Variants in CPOX observed in about 807,000 individuals in gnomAD.
The protein encoded by CPOX is oxygen-dependent coproporphyrinogen-III oxidase, mitochondrial.
CPOX carries 24 observed loss-of-function variants against 48.9 expected under a neutral mutation model. The ratio of observed to expected loss-of-function variants is 0.49; its 90% CI spans 0.36 to 0.69. CPOX has a LOEUF of 0.69. Among genes scored for constraint, CPOX ranks in the 30% least tolerant of loss-of-function variants. The pLI, the probability that CPOX is intolerant of heterozygous loss-of-function variation, is 0.00. For synonymous variants in CPOX, 249 were observed against 234.6 expected (o/e 1.06, Z -0.56); for missense variants, 549 against 597.3 (o/e 0.92, Z 0.84).
chr3:98,578,324 A>C, downstream of CPOX: 1 of 564,694 alleles, frequency 1.8e-6, no homozygotes, highest in Non-Finnish European at 2.2e-6. Context: ...CACAGCTTTA[A>C]ACACAACTAA....
downstream of CPOX, among the ~76,000 whole-genome samples, chr3:98,579,070 T>G (rs1316959188): frequency 3.9e-5 from 6 of 152,318 alleles, no homozygotes; most frequent in East Asian, 5.8e-4. Flanking sequence ...CTACTCCCAC[T>G]AAGCCTACCC....
Position 98,580,504 on chromosome 3 carries a change from A to G in CPOX, c.*179T>C, listed in dbSNP as rs984545296. 1.0e-5 allele frequency: 15 copies of G among 1,448,008 alleles called. No homozygotes were observed. Among genetic ancestry groups the G allele is most frequent in the Non-Finnish European group, 1.3e-5 (14 of 1,102,662 alleles). The allele number at this position is 1,448,008 out of a possible 1,614,324, so 89.7% of individuals were successfully genotyped here. ...AATCAATTGACTCTGACAATCTGCC[A>G]TCTCACCATTCATCACTGACAGCAT... is the stretch of plus-strand genomic sequence containing the variant. On this transcript the variant is annotated 3_prime_UTR_variant, in exon 7 of 7. Coordinates refer to ENST00000647941, the MANE Select transcript of CPOX (RefSeq NM_000097.7).
downstream of CPOX, chr3:98,579,367 T>A (rs116113441): frequency 4.2e-3 from 1,891 of 446,340 alleles, 32 homozygotes; most frequent in African/African-American, 0.039. Flanking sequence ...CTAGCCCTAA[T>A]GTTGTTCAAG....
intron 3 of CPOX, among the ~76,000 whole-genome samples, chr3:98,589,291 C>T (rs1338816805): frequency 6.6e-6 from 1 of 151,924 alleles, no homozygotes; most frequent in Non-Finnish European, 1.5e-5. Flanking sequence ...TGCACTCCAG[C>T]CTGGGCAACA....
At chr3:98,578,758 T>A (rs1470411219), downstream of CPOX, among the ~76,000 whole-genome samples, 1 of 152,242 alleles carries the variant, frequency 6.6e-6, no homozygotes, top group African/African-American at 2.4e-5. Context: ...GTTACTGTCA[T>A]TAGCAATAGT....
At chr3:98,585,917 C>T (rs1349754494) in intron 4 of CPOX, 2 of 394,096 alleles carry the variant, frequency 5.1e-6, no homozygotes, top group Admixed American at 3.6e-5. Context: ...CTGTCCCCCA[C>T]GCTGGAGTGC....
In CPOX at chr3:98,581,487, A is replaced by G. The variant is rs1707258347; in HGVS notation, c.1197T>C (p.Tyr399=). 1.2e-6 allele frequency: 2 copies of G among 1,613,956 alleles called. No individual in the cohort carries two copies. The highest frequency in any genetic ancestry group is 1.7e-6 in the Non-Finnish European group (2 of 1,179,828). Reference sequence around the variant, plus strand: ...AGAGGCCAAACTTTGTGCCCCGATCATACAGCAGATTAAATTCTACATACC... The same window carrying G: ...AGAGGCCAAACTTTGTGCCCCGATCGTACAGCAGATTAAATTCTACATACC... ...RGRYVEFNLL[Y]DRGTKFGLFT... Residue 399 remains tyrosine (Y), a synonymous_variant, in exon 6 of 7, where the codon TAT becomes TAC. Transcript: ENST00000647941.
At chr3:98,574,614 C>T (rs927657940), downstream of CPOX, among the ~76,000 whole-genome samples, 13 of 152,304 alleles carry the variant, frequency 8.5e-5, no homozygotes, top group Admixed American at 7.2e-4. Flanking sequence ...CAGAGTTTCG[C>T]GCCGTCGCGC....
chr3:98,581,736 C>T (rs575213935), intron 5 of CPOX, among the ~76,000 whole-genome samples: 1 of 152,174 alleles, frequency 6.6e-6, no homozygotes, highest in Non-Finnish European at 1.5e-5. Flanking sequence ...TCTGCCCCAA[C>T]ATAGAGCAGT....
Position 98,579,999 on chromosome 3 carries a change from T to C in CPOX, c.*684A>G, listed in dbSNP as rs1252700047. On this transcript the variant is annotated 3_prime_UTR_variant, in exon 7 of 7. Transcript: ENST00000647941. ...GAATCCCAACATTAACAAACAATGG[T>C]TCCACAAAAATCAAAATTACAACTT... The C allele has an allele frequency of 1.0e-6, 1 of 985,106 alleles. No homozygotes were observed. Among genetic ancestry groups the C allele is most frequent in the East Asian group, 1.1e-4 (1 of 8,826 alleles). The allele number at this position is 985,106 out of a possible 1,614,324, so 61.0% of individuals were successfully genotyped here.
Position 98,580,520 on chromosome 3 carries a change from C to T in CPOX, c.*163G>A. The T allele has an allele frequency of 1.4e-6, 2 of 1,476,008 alleles. No individual in the cohort carries two copies. The highest frequency in any genetic ancestry group is 1.8e-6 in the Non-Finnish European group (2 of 1,114,560). 91.4% of individuals were successfully genotyped at this position (1,476,008 alleles called of 1,614,324 possible). A position where few individuals can be genotyped will look rare whatever the true frequency, so the allele number is the denominator to read the frequency against. On this transcript the variant is annotated 3_prime_UTR_variant, in exon 7 of 7. Coordinates refer to ENST00000647941, the MANE Select transcript of CPOX (RefSeq NM_000097.7). ...CAATCTGCCATCTCACCATTCATCA[C>T]TGACAGCATCCAAAACATGTTATCA...
In CPOX at chr3:98,590,271, C is replaced by T. The variant is rs111240419; in HGVS notation, c.811+361G>A. Among the ~76,000 whole-genome samples the T allele has an allele frequency of 6.2e-3, 952 of 152,368 alleles. 8 individuals are homozygous for T. The highest frequency in any genetic ancestry group is 0.021 in the African/African-American group (893 of 41,578). ...CAAGTGATTCTTCCACCTCAGCTGC[C>T]CGAATAGCTGGGACTACAGGTGCGT... On this transcript the variant is annotated intron_variant, in intron 3 of 6. Transcript: ENST00000647941.
chr3:98,582,786 C>T (rs1403357945), intron 5 of CPOX, among the ~76,000 whole-genome samples: 5 of 152,156 alleles, frequency 3.3e-5, no homozygotes, highest in South Asian at 2.1e-4. Flanking sequence ...CCACCACGCC[C>T]GGCCCACAAT....
rs936496857 is a variant in CPOX at position 98,588,800 on chromosome 3, T to C, written c.866A>G (p.Asn289Ser). 1 of 1,614,222 alleles carries C rather than the reference T, an allele frequency of 6.2e-7. No individual in the cohort carries two copies. Among genetic ancestry groups the C allele is most frequent in the South Asian group, 1.1e-5 (1 of 91,090 alleles). Residue 289 changes from asparagine (N) to serine (S), a missense_variant, in exon 4 of 7, where the codon AAT (asparagine) becomes AGT (serine). Asn to Ser is a conservative substitution (Grantham distance 46). Around this residue, in one of 2 missense-constraint regions of CPOX, gnomAD observed 213 missense variants for 279.1 expected, o/e 0.76. Coordinates refer to ENST00000647941, the MANE Select transcript of CPOX (RefSeq NM_000097.7). Reference protein sequence around the residue: ...GGCDLTPTYLNQEDAVHFHRT... With the variant: ...GGCDLTPTYLSQEDAVHFHRT... ...GTGAAAATGGACAGCGTCTTCTTGATTCAAGTATGTTGGAGTGAGGTCACA... is the reference window on the plus strand; with the variant it reads ...GTGAAAATGGACAGCGTCTTCTTGACTCAAGTATGTTGGAGTGAGGTCACA...
downstream of CPOX, among the ~76,000 whole-genome samples, chr3:98,576,115 G>A (rs1462185546): frequency 6.9e-6 from 1 of 144,120 alleles, no homozygotes; most frequent in Non-Finnish European, 1.5e-5. Context: ...GTAGAAACAG[G>A]TCTGTGAGTG....
At chr3:98,588,960 G>C in intron 3 of CPOX, 106 bp from the exon 4 acceptor site, 25 of 1,321,786 alleles carry the variant, frequency 1.9e-5, no homozygotes, top group Non-Finnish European at 2.7e-5. Flanking sequence ...GCATAAAATG[G>C]ATGACAATAA....
the CPOX span, among the ~76,000 whole-genome samples, chr3:98,570,999 G>A: frequency 6.6e-6 from 1 of 152,180 alleles, no homozygotes; most frequent in Non-Finnish European, 1.5e-5. Context: ...CTCAATGTCT[G>A]TGATATTCAT....
At chr3:98,571,286 C>A in the CPOX span, among the ~76,000 whole-genome samples, 1 of 152,178 alleles carries the variant, frequency 6.6e-6, no homozygotes, top group Non-Finnish European at 1.5e-5. Flanking sequence ...CTGCTAATTT[C>A]TCTTTTTCCT....
chr3:98,585,792 T>G (rs1323380493), intron 4 of CPOX, 133 bp from the exon 5 acceptor site: 5 of 759,052 alleles, frequency 6.6e-6, no homozygotes, highest in Non-Finnish European at 9.4e-6. Flanking sequence ...TGTCCAACTA[T>G]GAAAATGAAA....
Sources: allele counts gnomAD v4.1 joint callset (sites outside exome capture counted in the v4.1 genomes callset), GRCh38; gene constraint gnomAD v4.1.1; regional missense constraint gnomAD v4.1.1; transcripts MANE v1.5; gene names NCBI Gene and HGNC (gene_info 2026-07-23, HGNC 2026-07-21).